Variants in GMDS observed in about 807,000 individuals in gnomAD.
GMDS encodes the protein GDP-mannose 4,6 dehydratase.
Under a neutral mutation model 49.9 loss-of-function variants are expected in GMDS, and 20 were observed. The observed-to-expected ratio is 0.40, with a 90% confidence interval of 0.28 to 0.58. The LOEUF (loss-of-function observed/expected upper bound fraction) is 0.58, where lower values mean the gene tolerates loss of function less well. Ranked by LOEUF, GMDS falls within the 20% of genes least tolerant of loss-of-function variation. GMDS has a pLI of 0.42. For synonymous variants in GMDS, 177 were observed against 178.6 expected (o/e 0.99, Z 0.07); for missense variants, 362 against 481.4 (o/e 0.75, Z 2.32).
chr6:1,997,805 T>C lies in GMDS; in HGVS notation c.346-36839A>G, dbSNP rs139627380. 5.0e-3 allele frequency among the ~76,000 whole-genome samples: 757 copies of C among 152,232 alleles called. 6 individuals are homozygous for C. Among genetic ancestry groups the C allele is most frequent in the African/African-American group, 0.017 (720 of 41,524 alleles). The stretch of plus-strand genomic sequence containing the variant: ...GAGGGGCACCTGCCAACTACCCACA[T>C]TGATCAGTTTATACCTCTCTATAAA... On this transcript the variant is annotated intron_variant, in intron 4 of 10. Transcript: ENST00000380815.
At chr6:1,825,485 A>G (rs1325440332) in intron 7 of GMDS, among the ~76,000 whole-genome samples, 1 of 152,182 alleles carries the variant, frequency 6.6e-6, no homozygotes, top group Non-Finnish European at 1.5e-5. Flanking sequence ...AACGACAGAA[A>G]CACATTCTGA....
intron 4 of GMDS, among the ~76,000 whole-genome samples, chr6:2,032,603 T>C (rs1318296557): frequency 6.6e-6 from 1 of 152,168 alleles, no homozygotes; most frequent in Non-Finnish European, 1.5e-5. Context: ...TTTAGGTTCT[T>C]GGGTATATAT....
chr6:1,743,272 A>G (rs1256039456), intron 7 of GMDS, among the ~76,000 whole-genome samples: 1 of 152,190 alleles, frequency 6.6e-6, no homozygotes, highest in African/African-American at 2.4e-5. Context: ...ATGGATGTCT[A>G]GCAGGGCGCG....
At chr6:1,970,895 G>T (rs774177023) in intron 4 of GMDS, among the ~76,000 whole-genome samples, 22 of 151,164 alleles carry the variant, frequency 1.5e-4, no homozygotes, top group Non-Finnish European at 2.9e-4. Context: ...CAGCCAACCA[G>T]CATGGCACGT....
chr6:2,004,269 C>T (rs1767015325), intron 4 of GMDS, among the ~76,000 whole-genome samples: 1 of 152,164 alleles, frequency 6.6e-6, no homozygotes, highest in Non-Finnish European at 1.5e-5. Flanking sequence ...TTTAAAGCAG[C>T]ATAGTCTTTA....
chr6:1,698,252 A>G (rs1317013530), intron 9 of GMDS, among the ~76,000 whole-genome samples: 1 of 152,198 alleles, frequency 6.6e-6, no homozygotes, highest in African/African-American at 2.4e-5. Flanking sequence ...ATATACATAC[A>G]CTGCAGTATT....
At chr6:2,079,524 G>A (rs1374454216) in intron 4 of GMDS, among the ~76,000 whole-genome samples, 8 of 152,050 alleles carry the variant, frequency 5.3e-5, no homozygotes, top group Admixed American at 5.2e-4. Context: ...ACTCCCTTAA[G>A]CAATTTCTGG....
chr6:1,753,629 T>C (rs1242501259), intron 7 of GMDS, among the ~76,000 whole-genome samples: 2 of 152,170 alleles, frequency 1.3e-5, no homozygotes, highest in Non-Finnish European at 2.9e-5. Context: ...ACTGACCACA[T>C]AATTGGAAGT....
intron 9 of GMDS, among the ~76,000 whole-genome samples, chr6:1,708,326 G>A (rs1238403074): frequency 6.6e-6 from 1 of 152,250 alleles, no homozygotes; most frequent in Non-Finnish European, 1.5e-5. Context: ...CCAGCAGGCA[G>A]CGAAGCGTGT....
intron 1 of GMDS, among the ~76,000 whole-genome samples, chr6:2,141,947 C>T (rs1458575532): frequency 1.3e-5 from 2 of 151,784 alleles, no homozygotes; most frequent in African/African-American, 2.4e-5. Context: ...CCCTTCTCTC[C>T]GACCCCGCTC....
intron 1 of GMDS, among the ~76,000 whole-genome samples, chr6:2,196,662 C>T (rs1347834771): frequency 6.6e-6 from 1 of 152,142 alleles, no homozygotes; most frequent in Non-Finnish European, 1.5e-5. Flanking sequence ...TTAAAGGTTG[C>T]TGTCTTAACT....
rs1322104984 is a variant in GMDS at position 1,682,759 on chromosome 6, C to T, written c.987+43657G>A. On this transcript the variant is annotated intron_variant, in intron 9 of 10. Transcript: ENST00000380815. ...TAATTTTTTGTATTTTTAGTAGAGA[C>T]GGGGTTTCACCGTTTTAGCCGGGAT... Among the ~76,000 whole-genome samples, 2 of 9,750 alleles carry T rather than the reference C, an allele frequency of 2.1e-4. 1 individual carries two copies. The highest frequency in any genetic ancestry group is 1.0e-3 in the Admixed American group (2 of 1,964). The allele number at this position is 9,750 out of a possible 152,430, so 6.4% of individuals were successfully genotyped here.
intron 1 of GMDS, among the ~76,000 whole-genome samples, chr6:2,174,541 C>T (rs1475560691): frequency 6.6e-6 from 1 of 151,414 alleles, no homozygotes; most frequent in Non-Finnish European, 1.5e-5. Context: ...TTTAATGGTG[C>T]CTAGTTTTTT....
chr6:1,674,560 C>CTTTTTTTTTTTTTTTT (rs869292549), intron 9 of GMDS, among the ~76,000 whole-genome samples: 4 of 73,438 alleles, frequency 5.4e-5, no homozygotes, highest in Non-Finnish European at 6.8e-5. Flanking sequence ...CTCTCTCTCT[C>CTTTTTTTTTTTTTTTT]TTTTTTTTTT....
intron 9 of GMDS, among the ~76,000 whole-genome samples, chr6:1,698,436 C>T (rs1258833390): frequency 1.3e-5 from 2 of 152,230 alleles, no homozygotes; most frequent in Non-Finnish European, 2.9e-5. Flanking sequence ...TCCTCCCTCC[C>T]TGCAAATAGG....
intron 4 of GMDS, among the ~76,000 whole-genome samples, chr6:2,089,896 C>T (rs1372677803): frequency 1.8e-4 from 27 of 152,116 alleles, no homozygotes; most frequent in Admixed American, 1.6e-3. Context: ...CTGTGGAACA[C>T]GCTGGGGCCA....
At chr6:2,062,808 G>A (rs1459385542) in intron 4 of GMDS, among the ~76,000 whole-genome samples, 5 of 152,180 alleles carry the variant, frequency 3.3e-5, no homozygotes, top group Admixed American at 6.5e-5. Flanking sequence ...AAAAAGACTG[G>A]AGTTTTAAAA....
intron 1 of GMDS, among the ~76,000 whole-genome samples, chr6:2,229,302 T>C (rs1780967516): frequency 6.6e-6 from 1 of 150,802 alleles, no homozygotes; most frequent in African/African-American, 2.4e-5. Context: ...CTGTGCATGG[T>C]GATTCATGCC....
intron 4 of GMDS, among the ~76,000 whole-genome samples, chr6:2,066,143 C>T (rs958344348): frequency 6.6e-6 from 1 of 151,704 alleles, no homozygotes; most frequent in Non-Finnish European, 1.5e-5. Context: ...GAATTTTCAA[C>T]CCAGAATTTC....
Sources: allele counts gnomAD v4.1 joint callset (sites outside exome capture counted in the v4.1 genomes callset), GRCh38; gene constraint gnomAD v4.1.1; transcripts MANE v1.5; gene names NCBI Gene and HGNC (gene_info 2026-07-23, HGNC 2026-07-21).